Variants in MALRD1 observed in about 807,000 individuals in gnomAD.
The protein encoded by MALRD1 is MAM and LDL receptor class A domain containing 1, also known as MAM and LDL-receptor class A domain-containing protein 1.
In MALRD1, 247 loss-of-function variants were observed where a neutral mutation model predicts 242.1. The ratio of observed to expected loss-of-function variants is 1.02; its 90% CI spans 0.92 to 1.13. The LOEUF is 1.13. Ranked by LOEUF, MALRD1 falls within the 50% of genes most tolerant of loss-of-function variation. MALRD1 has a pLI of 0.00. For missense variants in MALRD1, 2,989 were observed against 2,533.1 expected (o/e 1.18, Z -3.86); for synonymous variants, 995 against 866.6 (o/e 1.15, Z -2.60).
chr10:19,442,127 C>T (rs947618213), intron 28 of MALRD1, among the ~76,000 whole-genome samples: 5 of 152,070 alleles, frequency 3.3e-5, no homozygotes, highest in Non-Finnish European at 7.4e-5. Flanking sequence ...TGATTTGGCT[C>T]TCTGTTAGTC....
chr10:19,351,959 A>G, intron 25 of MALRD1, 47 bp from the exon 26 acceptor site: 1 of 1,395,538 alleles, frequency 7.2e-7, no homozygotes, highest in Non-Finnish European at 9.7e-7. Flanking sequence ...ATATCATATT[A>G]ATTATACTAA....
intron 13 of MALRD1, among the ~76,000 whole-genome samples, chr10:19,166,388 G>A (rs1158214280): frequency 6.6e-6 from 1 of 152,180 alleles, no homozygotes. Context: ...ATCTCATGGA[G>A]GTAGAGAGGA....
intron 2 of MALRD1, among the ~76,000 whole-genome samples, chr10:19,074,833 C>G (rs1215157093): frequency 6.6e-6 from 1 of 151,888 alleles, no homozygotes. Flanking sequence ...ATATATTCTT[C>G]AAATTAATTT....
intron 26 of MALRD1, among the ~76,000 whole-genome samples, chr10:19,363,184 A>G (rs1013507201): frequency 1.3e-5 from 2 of 152,154 alleles, no homozygotes; most frequent in African/African-American, 4.8e-5. Flanking sequence ...AGTCATATGC[A>G]TATAAAATCA....
At chr10:19,215,021 C>T (rs12570003) in intron 18 of MALRD1, among the ~76,000 whole-genome samples, 4,293 of 152,232 alleles carry the variant, frequency 0.028, 174 homozygotes, top group East Asian at 0.18. Context: ...CCTGGAATGT[C>T]CCCAAAAAAC....
At chr10:19,602,009 T>G (rs1345588135) in intron 34 of MALRD1, among the ~76,000 whole-genome samples, 1 of 151,992 alleles carries the variant, frequency 6.6e-6, no homozygotes, top group East Asian at 1.9e-4. Flanking sequence ...AGACACATAT[T>G]TTTGTGTGCA....
chr10:19,210,654 G>A (rs764616800), intron 18 of MALRD1, among the ~76,000 whole-genome samples: 4 of 152,102 alleles, frequency 2.6e-5, no homozygotes, highest in Non-Finnish European at 5.9e-5. Flanking sequence ...TCTAAATCTA[G>A]TTAACAGTTT....
rs576425504 is a variant in MALRD1 at position 19,307,983 on chromosome 10, A to G, written c.3420-15966A>G. On this transcript the variant is annotated intron_variant, in intron 21 of 39. Coordinates refer to ENST00000454679, the MANE Select transcript of MALRD1 (RefSeq NM_001142308.3). ...CATGAAATGAGAAATCACGTCATAG[A>G]GAATGGGGTATCCATTCCTTCAAGA... Among the ~76,000 whole-genome samples, 9 of 151,680 alleles carry G rather than the reference A, an allele frequency of 5.9e-5. No individual in the cohort carries two copies. The South Asian group carries it at 1.9e-3, about 31-fold the overall frequency.
At chr10:19,720,592 C>G (rs1457765437) in intron 38 of MALRD1, among the ~76,000 whole-genome samples, 1 of 152,134 alleles carries the variant, frequency 6.6e-6, no homozygotes, top group African/African-American at 2.4e-5. Context: ...CGATGATATC[C>G]ATTTCACGAA....
chr10:19,610,129 C>A (rs985282682), intron 35 of MALRD1, among the ~76,000 whole-genome samples: 4 of 151,832 alleles, frequency 2.6e-5, no homozygotes, highest in Admixed American at 2.0e-4. Context: ...TTATGAGGTA[C>A]AATTTGACAT....
At chr10:19,083,948 A>G (rs975418746) in intron 2 of MALRD1, among the ~76,000 whole-genome samples, 1 of 151,864 alleles carries the variant, frequency 6.6e-6, no homozygotes, top group Admixed American at 6.6e-5. Flanking sequence ...TGGGGGAAAA[A>G]GTTTCAGAGA....
intron 29 of MALRD1, among the ~76,000 whole-genome samples, chr10:19,482,018 A>G (rs1837017200): frequency 6.6e-6 from 1 of 152,014 alleles, no homozygotes; most frequent in Admixed American, 6.6e-5. Context: ...TCTGGCATGA[A>G]TAAATGGAAG....
intron 2 of MALRD1, among the ~76,000 whole-genome samples, chr10:19,074,025 G>A (rs1290425914): frequency 1.3e-5 from 2 of 152,076 alleles, no homozygotes; most frequent in Non-Finnish European, 2.9e-5. Context: ...GGAGATAGTT[G>A]CTGTGCTCAG....
chr10:19,419,387 C>G (rs1010268594), intron 28 of MALRD1, among the ~76,000 whole-genome samples: 1 of 152,110 alleles, frequency 6.6e-6, no homozygotes, highest in East Asian at 1.9e-4. Flanking sequence ...CTCCACCTCC[C>G]GGGTTCAAGT....
At chr10:19,080,283 A>G (rs1590399618) in intron 2 of MALRD1, among the ~76,000 whole-genome samples, 3 of 151,706 alleles carry the variant, frequency 2.0e-5, no homozygotes, top group Admixed American at 2.0e-4. Context: ...AAATTAGTAT[A>G]TAACCCAAAA....
intron 36 of MALRD1, among the ~76,000 whole-genome samples, chr10:19,678,915 A>G (rs778625703): frequency 7.9e-5 from 12 of 152,052 alleles, no homozygotes; most frequent in African/African-American, 2.7e-4. Context: ...ATCCATGATT[A>G]TGTGATTTTT....
At chr10:19,565,764 G>A (rs1564445298) in intron 32 of MALRD1, among the ~76,000 whole-genome samples, 1 of 152,068 alleles carries the variant, frequency 6.6e-6, no homozygotes, top group Non-Finnish European at 1.5e-5. Context: ...GTTAATTAAA[G>A]GATCAACATT....
intron 32 of MALRD1, among the ~76,000 whole-genome samples, chr10:19,536,870 T>G (rs1834706038): frequency 6.6e-6 from 1 of 152,166 alleles, no homozygotes; most frequent in South Asian, 2.1e-4. Context: ...TAAGAAAGTT[T>G]CCTGTGATAA....
intron 28 of MALRD1, among the ~76,000 whole-genome samples, chr10:19,405,881 A>G (rs1847077397): frequency 2.0e-5 from 3 of 151,510 alleles, no homozygotes; most frequent in South Asian, 4.2e-4. Flanking sequence ...TTTTTGCTGG[A>G]GCGATGAAGA....
Sources: gnomAD v4.1 joint callset for allele counts (sites outside exome capture counted in the v4.1 genomes callset) on GRCh38, gnomAD v4.1.1 for gene constraint, MANE v1.5 for transcripts, NCBI Gene and HGNC (gene_info 2026-07-23, HGNC 2026-07-21) for gene names.